The following GPR161 variants were observed in gnomAD, a reference collection of about 807,000 sequenced individuals.
GPR161 encodes G protein-coupled receptor 161.
Under a neutral mutation model 39.2 loss-of-function variants are expected in GPR161, and 25 were observed. That is an observed-to-expected ratio of 0.64 (90% CI 0.47 to 0.89). The LOEUF (loss-of-function observed/expected upper bound fraction) is 0.89, where lower values mean the gene tolerates loss of function less well. GPR161 is among the 40% of genes least tolerant of loss of function. The pLI, the probability that GPR161 is intolerant of heterozygous loss-of-function variation, is 0.00. For synonymous variants in GPR161, 286 were observed against 276.6 expected, an observed-to-expected ratio of 1.03 and a Z score of -0.34; for missense variants, 547 against 677.8, an observed-to-expected ratio of 0.81 and a Z score of 2.14.
chr1:168,119,225 T>TACAC (rs1572356795), intron 1 of GPR161, among the ~76,000 whole-genome samples: 1 of 112,370 alleles, frequency 8.9e-6, no homozygotes, highest in Non-Finnish European at 1.8e-5. Flanking sequence ...CATATATATA[T>TACAC]ACGTATATAT....
At chr1:168,093,307 T>C (rs568234014) in intron 3 of GPR161, among the ~76,000 whole-genome samples, 28 of 152,138 alleles carry the variant, frequency 1.8e-4, no homozygotes, top group Non-Finnish European at 3.7e-4. Context: ...CAGCGACATT[T>C]GGCACCCATG....
intron 2 of GPR161, among the ~76,000 whole-genome samples, chr1:168,102,341 T>C (rs984439356): frequency 1.3e-5 from 2 of 151,938 alleles, no homozygotes; most frequent in Admixed American, 6.6e-5. Flanking sequence ...CAGTGGCTGG[T>C]GGAGTTGTCG....
At chr1:168,104,966 A>T (rs960677616) in intron 1 of GPR161, 72 bp from the exon 2 acceptor site, 112 of 1,182,034 alleles carry the variant, frequency 9.5e-5, no homozygotes, top group Non-Finnish European at 1.2e-4. Context: ...CTTAGGGAAG[A>T]AAGGCTTAAA....
chr1:168,090,746 C>T, intron 3 of GPR161, 78 bp from the exon 4 acceptor site: 1 of 654,446 alleles, frequency 1.5e-6, no homozygotes, highest in Non-Finnish European at 2.7e-6. Flanking sequence ...CCCACAGACC[C>T]ATCTCCTGCC....
chr1:168,097,245 T>C lies in GPR161; in HGVS notation c.375-13A>G, dbSNP rs918706756. On this transcript the variant is annotated splice_polypyrimidine_tract_variant and intron_variant, in intron 2 of 5. Coordinates refer to ENST00000682931, the MANE Select transcript of GPR161 (RefSeq NM_001375883.1). ...GACAGCATAGTAGCTAGAAAAGGGA[T>C]GGAGGGAGGCAAGAGAGAGAAGTCA... 5.6e-6 allele frequency: 9 copies of C among 1,596,408 alleles called. No homozygotes were observed. Among genetic ancestry groups the C allele is most frequent in the Admixed American group, 5.1e-5 (3 of 59,256 alleles).
At chr1:168,091,020 T>C (rs1465698074) in intron 3 of GPR161, among the ~76,000 whole-genome samples, 1 of 152,232 alleles carries the variant, frequency 6.6e-6, no homozygotes, top group African/African-American at 2.4e-5. Context: ...CAACCCCACA[T>C]TCACCTCCTG....
At chr1:168,103,056 A>G (rs2102165858) in intron 2 of GPR161, among the ~76,000 whole-genome samples, 1 of 152,350 alleles carries the variant, frequency 6.6e-6, no homozygotes, top group South Asian at 2.1e-4. Context: ...GAATATAGCA[A>G]TTACACAAAC....
At chr1:168,102,107 C>A (rs1408212411) in intron 2 of GPR161, among the ~76,000 whole-genome samples, 1 of 152,190 alleles carries the variant, frequency 6.6e-6, no homozygotes, top group Non-Finnish European at 1.5e-5. Flanking sequence ...TCGGCCTCAG[C>A]ATGTTTATTC....
intron 1 of GPR161, chr1:168,134,969 C>A (rs1439232514): frequency 6.5e-7 from 1 of 1,535,696 alleles, no homozygotes; most frequent in Non-Finnish European, 8.7e-7. Context: ...GGAACCCAAA[C>A]AGAGAGCTCG....
intron 1 of GPR161, chr1:168,136,411 A>G: frequency 7.3e-7 from 1 of 1,367,926 alleles, no homozygotes; most frequent in Non-Finnish European, 9.5e-7. Context: ...CGGACTGTTT[A>G]GGGGCTTCGG....
chr1:168,117,630 T>C (rs180702645), intron 1 of GPR161, among the ~76,000 whole-genome samples: 1 of 152,276 alleles, frequency 6.6e-6, no homozygotes, highest in East Asian at 1.9e-4. Flanking sequence ...TGCTACGTGT[T>C]TGTTAAATAA....
At chr1:168,087,920 C>A in intron 4 of GPR161, 1 of 474,380 alleles carries the variant, frequency 2.1e-6, no homozygotes. Context: ...GTCAGCCACA[C>A]AAAAAATGCA....
intron 2 of GPR161, among the ~76,000 whole-genome samples, chr1:168,101,708 T>C (rs945460337): frequency 2.0e-5 from 3 of 152,238 alleles, no homozygotes; most frequent in Non-Finnish European, 1.5e-5. Context: ...ATAAACGGCA[T>C]ACATAGTGCA....
At chr1:168,125,623 C>T (rs562013602) in intron 1 of GPR161, among the ~76,000 whole-genome samples, 3 of 137,166 alleles carry the variant, frequency 2.2e-5, no homozygotes, top group Non-Finnish European at 4.6e-5. Flanking sequence ...GCTTCCCCCC[C>T]CTTTTTTTTT....
upstream of GPR161, chr1:168,137,088 C>T (rs1699449276): frequency 2.9e-6 from 3 of 1,045,970 alleles, no homozygotes; most frequent in Non-Finnish European, 3.4e-6. Context: ...CGCGTCCGTC[C>T]GCCCGCCCTC....
Position 168,120,083 on chromosome 1 carries a change from T to C in GPR161, c.-44-15189A>G, listed in dbSNP as rs182709374. ...CACCATCCTCCAGACCCCAGAAAGATAGATCCACTGACAACTTGCACCATG... is the reference window on the plus strand; with the variant it reads ...CACCATCCTCCAGACCCCAGAAAGACAGATCCACTGACAACTTGCACCATG... On this transcript the variant is annotated intron_variant, in intron 1 of 5. Transcript: ENST00000682931. Among the ~76,000 whole-genome samples, 431 of 152,212 alleles carry C rather than the reference T, an allele frequency of 2.8e-3. 3 individuals carry two copies. The highest frequency in any genetic ancestry group is 2.1e-3 in the Non-Finnish European group (143 of 68,006).
At chr1:168,137,211 A>G, upstream of GPR161, 2 of 1,445,096 alleles carry the variant, frequency 1.4e-6, no homozygotes, top group Non-Finnish European at 1.8e-6. Flanking sequence ...TGTGGTGCCT[A>G]ACTCAGGCCT....
chr1:168,099,387 C>T (rs1207826183), intron 2 of GPR161, among the ~76,000 whole-genome samples: 2 of 152,144 alleles, frequency 1.3e-5, no homozygotes, highest in African/African-American at 2.4e-5. Flanking sequence ...TTAAAGAGCA[C>T]ACAGACGCTC....
At chr1:168,119,933 G>GCTT (rs1319570685) in intron 1 of GPR161, among the ~76,000 whole-genome samples, 1 of 152,236 alleles carries the variant, frequency 6.6e-6, no homozygotes, top group Non-Finnish European at 1.5e-5. Flanking sequence ...GAATGTCCAG[G>GCTT]CAGAAGTCTG....
Sources: allele counts gnomAD v4.1 joint callset (sites outside exome capture counted in the v4.1 genomes callset), GRCh38; gene constraint gnomAD v4.1.1; transcripts MANE v1.5; gene names NCBI Gene and HGNC (gene_info 2026-07-23, HGNC 2026-07-21).